Variants in ATAD2B observed in about 807,000 individuals in gnomAD.
The protein encoded by ATAD2B is ATPase family AAA domain-containing protein 2B.
A neutral mutation model predicts 167.6 loss-of-function variants in ATAD2B; 40 were observed. That is an observed-to-expected ratio of 0.24 (90% confidence interval 0.19 to 0.31). The LOEUF is 0.31. ATAD2B is among the 10% of genes least tolerant of loss of function. The probability of loss-of-function intolerance (pLI) is 1.00; values close to 1 mark genes in which losing one functional copy is unlikely to be tolerated. For missense variants in ATAD2B, 1,242 were observed against 1,757.2 expected (o/e 0.71, Z 5.24); for synonymous variants, 579 against 596.5 (o/e 0.97, Z 0.43).
At chr2:23,696,422 C>T in the ATAD2B span, 36 of 1,551,244 alleles carry the variant, frequency 2.3e-5, no homozygotes, top group Admixed American at 6.7e-4. The surrounding 1 kb of genome is among the most constrained non-coding windows in gnomAD (Gnocchi z 5.5). Context: ...AATGACAGTC[C>T]CCCGCTGTCG....
At chr2:23,785,287 T>C (rs1456451559) in intron 21 of ATAD2B, among the ~76,000 whole-genome samples, 5 of 152,054 alleles carry the variant, frequency 3.3e-5, no homozygotes, top group Non-Finnish European at 5.9e-5. Flanking sequence ...ACCAAAGCTG[T>C]TCAAACATGG....
At chr2:23,827,233 G>C (rs1264578936) in intron 15 of ATAD2B, among the ~76,000 whole-genome samples, 1 of 151,842 alleles carries the variant, frequency 6.6e-6, no homozygotes, top group Non-Finnish European at 1.5e-5. Context: ...ACCCCACAGA[G>C]GGGAGGGAAA....
rs1350835345 is a variant in ATAD2B, at chr2:23,877,132, AT to A, written c.902-1229del. 7.9e-5 allele frequency among the ~76,000 whole-genome samples: 12 copies of A among 151,262 alleles called. No homozygotes were observed. In the South Asian group the frequency reaches 1.7e-3, roughly 21 times the overall value. ...TCCATTCAAAGAACAATCCATTAAA[AT>A]TTTTTTTTACAGGCTGGGCAGGGTC... On this transcript the variant is annotated intron_variant, in intron 7 of 27. Transcript: ENST00000238789.
At chr2:23,761,771 C>G (rs1431862251) in intron 24 of ATAD2B, among the ~76,000 whole-genome samples, 1 of 152,152 alleles carries the variant, frequency 6.6e-6, no homozygotes, top group Non-Finnish European at 1.5e-5. Flanking sequence ...ATTTTTCAAA[C>G]TGAACACAAA....
intron 22 of ATAD2B, 77 bp downstream of exon 22, chr2:23,782,792 A>C (rs140638944): frequency 0.013 from 15,740 of 1,249,272 alleles, 129 homozygotes; most frequent in Middle Eastern, 0.03. Context: ...TCTAGAACAC[A>C]GGCATGACTT....
the ATAD2B span, among the ~76,000 whole-genome samples, chr2:23,718,153 G>A: frequency 3.9e-5 from 6 of 152,176 alleles, no homozygotes; most frequent in Admixed American, 2.0e-4. Flanking sequence ...TTTTTTAGAA[G>A]TCAGTAAACT....
chr2:23,783,352 G>A (rs559951172), intron 21 of ATAD2B, among the ~76,000 whole-genome samples: 1 of 149,130 alleles, frequency 6.7e-6, no homozygotes, highest in South Asian at 2.1e-4. Context: ...AGTTCCCAAT[G>A]AGCATCAATA....
At chr2:23,767,259 G>A (rs1037435717) in intron 22 of ATAD2B, among the ~76,000 whole-genome samples, 8 of 151,700 alleles carry the variant, frequency 5.3e-5, no homozygotes, top group Non-Finnish European at 1.2e-4. Flanking sequence ...CACTTACCTC[G>A]TCATTCTCTT....
At chr2:23,700,802 T>TTCCATCC in the ATAD2B span, among the ~76,000 whole-genome samples, 1 of 152,166 alleles carries the variant, frequency 6.6e-6, no homozygotes, top group African/African-American at 2.4e-5. The surrounding 1 kb of genome is among the most constrained non-coding windows in gnomAD (Gnocchi z 4.6). Context: ...CTGCTGGAGA[T>TTCCATCC]TCCATCCTCC....
chr2:23,816,978 C>T (rs917371041), intron 17 of ATAD2B, among the ~76,000 whole-genome samples: 7 of 152,162 alleles, frequency 4.6e-5, no homozygotes, highest in Non-Finnish European at 7.3e-5. Context: ...AAAACCAGCA[C>T]TAAAGTTATG....
chr2:23,896,337 AG>A, intron 1 of ATAD2B, among the ~76,000 whole-genome samples: 2 of 152,140 alleles, frequency 1.3e-5, no homozygotes, highest in East Asian at 3.9e-4. Flanking sequence ...AAAAAAAAAA[AG>A]AATTATTAAT....
At chr2:23,700,384 T>C in the ATAD2B span, among the ~76,000 whole-genome samples, 43 of 152,206 alleles carry the variant, frequency 2.8e-4, no homozygotes, top group Admixed American at 7.9e-4. The surrounding 1 kb of genome is among the most constrained non-coding windows in gnomAD (Gnocchi z 4.6). Context: ...CACTTCCTAA[T>C]TTTTTACTAC....
At chr2:23,702,376 A>G in the ATAD2B span, among the ~76,000 whole-genome samples, 7 of 152,250 alleles carry the variant, frequency 4.6e-5, no homozygotes, top group African/African-American at 1.7e-4. Flanking sequence ...ATAAAATGTC[A>G]GATATCTCAT....
At chr2:23,813,971 A>C (rs1254881992) in intron 17 of ATAD2B, among the ~76,000 whole-genome samples, 1 of 152,176 alleles carries the variant, frequency 6.6e-6, no homozygotes, top group East Asian at 1.9e-4. Flanking sequence ...TTTGCTACAG[A>C]GCAGGGCACG....
chr2:23,913,575 G>A (rs1401901886), intron 1 of ATAD2B, among the ~76,000 whole-genome samples: 1 of 151,736 alleles, frequency 6.6e-6, no homozygotes, highest in Admixed American at 6.6e-5. Context: ...GGGAGGTGGA[G>A]GCTGCAGTGA....
chr2:23,853,986 CT>C (rs1558662008), intron 13 of ATAD2B, among the ~76,000 whole-genome samples: 1 of 152,188 alleles, frequency 6.6e-6, no homozygotes. Context: ...TGGCTCATGC[CT>C]GTAATACCAG....
chr2:23,701,251 T>G, the ATAD2B span, among the ~76,000 whole-genome samples: 1 of 151,968 alleles, frequency 6.6e-6, no homozygotes, highest in African/African-American at 2.4e-5. Flanking sequence ...CTCATACTCT[T>G]TTGTCATTCC....
chr2:23,868,194 C>A (rs538764458), intron 9 of ATAD2B, among the ~76,000 whole-genome samples: 1 of 152,206 alleles, frequency 6.6e-6, no homozygotes, highest in Admixed American at 6.5e-5. Flanking sequence ...CCAATCTATT[C>A]CATTTTAGGA....
In ATAD2B at chr2:23,751,155, T is replaced by G. The variant is rs1239077125; in HGVS notation, c.*891A>C. On this transcript the variant is annotated 3_prime_UTR_variant, in exon 28 of 28. Coordinates refer to ENST00000238789, the MANE Select transcript of ATAD2B (RefSeq NM_017552.4). ...TCTATTTATTTTCTAGTCATCATTG[T>G]TGGCAATACCAAAACGTGTGCAGTT... 1 of 152,178 alleles carries G rather than the reference T, an allele frequency of 6.6e-6. No individual in the cohort carries two copies. The highest frequency in any genetic ancestry group is 1.5e-5 in the Non-Finnish European group (1 of 68,012). 9.4% of individuals were successfully genotyped at this position (152,178 alleles called of 1,614,324 possible).
Sources: allele counts gnomAD v4.1 joint callset (sites outside exome capture counted in the v4.1 genomes callset), GRCh38; gene constraint gnomAD v4.1.1; non-coding constraint Gnocchi (gnomAD v3.1); transcripts MANE v1.5; gene names NCBI Gene and HGNC (gene_info 2026-07-23, HGNC 2026-07-21).